The following DYNC2H1 variants were observed in gnomAD, a reference collection of about 807,000 sequenced individuals.
DYNC2H1 encodes cytoplasmic dynein 2 heavy chain 1.
DYNC2H1 carries 410 observed loss-of-function variants against 570.0 expected under a neutral mutation model. The observed-to-expected ratio is 0.72, with a 90% CI of 0.66 to 0.78. DYNC2H1 has a LOEUF of 0.78. Among genes scored for constraint, DYNC2H1 ranks in the 30% least tolerant of loss-of-function variants. The pLI is 0.00. For synonymous variants in DYNC2H1, 1,688 were observed against 1,677.6 expected (o/e 1.01, Z -0.15); for missense variants, 4,865 against 5,046.4 (o/e 0.96, Z 1.09).
chr11:103,354,807 CTTT>C (rs10718561), intron 82 of DYNC2H1, among the ~76,000 whole-genome samples: 4 of 141,148 alleles, frequency 2.8e-5, no homozygotes, highest in Admixed American at 7.0e-5. Context: ...CTTGTAAGAT[CTTT>C]TTTTTTTTTT....
At chr11:103,344,495 T>C (rs373910209) in intron 82 of DYNC2H1, among the ~76,000 whole-genome samples, 12 of 152,314 alleles carry the variant, frequency 7.9e-5, no homozygotes, top group African/African-American at 2.6e-4. Flanking sequence ...ACACTTCCCT[T>C]GAGCTTCTGC....
At chr11:103,453,979 T>A (rs574322027) in intron 85 of DYNC2H1, among the ~76,000 whole-genome samples, 49 of 152,214 alleles carry the variant, frequency 3.2e-4, no homozygotes, top group African/African-American at 1.1e-3. Context: ...TATGCTTCGC[T>A]AAGAAGATCT....
chr11:103,426,712 T>A (rs1487978035), intron 84 of DYNC2H1, among the ~76,000 whole-genome samples: 1 of 152,168 alleles, frequency 6.6e-6, no homozygotes, highest in Non-Finnish European at 1.5e-5. Flanking sequence ...AGCTGGCTAA[T>A]TTAGTATCAA....
chr11:103,468,624 T>C lies in DYNC2H1; in HGVS notation c.12684T>C (p.Asp4228=). 2 of 1,613,706 alleles carry C rather than the reference T, an allele frequency of 1.2e-6. No individual in the cohort carries two copies. Among genetic ancestry groups the C allele is most frequent in the Non-Finnish European group, 8.5e-7 (1 of 1,179,700 alleles). Residue 4228 remains aspartate (D), a synonymous_variant, in exon 88 of 89, where the codon GAT becomes GAC. Coordinates refer to ENST00000375735, the MANE Select transcript of DYNC2H1 (RefSeq NM_001377.3). ...SGLLLEGCSF[D]GNQLSENQLD... The stretch of plus-strand genomic sequence containing the variant: ...TGTTACTAGAAGGATGTAGTTTTGA[T>C]GGAAATCAACTTTCTGAAAATCAGC...
rs575063005 is a variant in DYNC2H1 at position 103,152,313 on chromosome 11, A to G, written c.3096+28A>G. On this transcript the variant is annotated intron_variant, in intron 21 of 88. Coordinates refer to ENST00000375735, the MANE Select transcript of DYNC2H1 (RefSeq NM_001377.3). ...TAGAATCTTTTAATTATTTATTAAA[A>G]TGGGAACTTTTTTCTTACTTAAGAT... is the stretch of plus-strand genomic sequence containing the variant. 91 of 1,552,146 alleles carry G rather than the reference A, an allele frequency of 5.9e-5. 1 individual carries two copies. In the South Asian group the frequency reaches 1.1e-3, roughly 18 times the overall value.
At chr11:103,255,844 AT>A (rs1565436528) in intron 67 of DYNC2H1, among the ~76,000 whole-genome samples, 1 of 152,000 alleles carries the variant, frequency 6.6e-6, no homozygotes, top group Admixed American at 6.5e-5. Context: ...AGTAGTTTTT[AT>A]TTTTTATTAA....
chr11:103,470,420 C>T (rs1232926356), intron 88 of DYNC2H1, among the ~76,000 whole-genome samples: 4 of 111,000 alleles, frequency 3.6e-5, no homozygotes, highest in Non-Finnish European at 7.9e-5. Flanking sequence ...ACTTTTTACT[C>T]TTTTTCTTTT....
Position 103,151,707 on chromosome 11 carries a change from TTC to T in DYNC2H1, c.2947-425_2947-424del, listed in dbSNP as rs1860551996. Among the ~76,000 whole-genome samples the T allele has an allele frequency of 6.6e-6, 1 of 152,176 alleles. No individual in the cohort carries two copies. Among genetic ancestry groups the T allele is most frequent in the Admixed American group, 6.5e-5 (1 of 15,268 alleles). On this transcript the variant is annotated intron_variant, in intron 20 of 88. Transcript: ENST00000375735. The surrounding 1 kb of genome is among the most constrained non-coding windows in gnomAD (Gnocchi z 4.6). Reference sequence around the variant, plus strand: ...TAAGTACCTTTTTTCATGACTTTCCTTCTCTATTAAGTCGGATAATTTAGTTA... The same window carrying T: ...TAAGTACCTTTTTTCATGACTTTCCTTCTATTAAGTCGGATAATTTAGTTA...
intron 82 of DYNC2H1, among the ~76,000 whole-genome samples, chr11:103,342,088 C>T (rs1939468655): frequency 6.6e-6 from 1 of 152,062 alleles, no homozygotes; most frequent in Admixed American, 6.6e-5. Flanking sequence ...CTAAAGTGAT[C>T]CGTGATCATG....
Position 103,165,962 on chromosome 11 carries a change from G to C in DYNC2H1, c.4676G>C (p.Ser1559Thr), listed in dbSNP as rs1861287760. The C allele has an allele frequency of 2.0e-6, 3 of 1,523,172 alleles. No individual in the cohort carries two copies. Among genetic ancestry groups the C allele is most frequent in the Non-Finnish European group, 2.6e-6 (3 of 1,134,210 alleles). 94.4% of individuals were successfully genotyped at this position (1,523,172 alleles called of 1,614,324 possible). ...EDVENAIKDH[S>T]LHQIETQLVN... The stretch of plus-strand genomic sequence containing the variant: ...GTAGAAAATGCTATTAAAGATCATA[G>C]TCTTCATCAGATTGAAACACAACTG... Residue 1559 changes from serine (S) to threonine (T), a missense_variant, in exon 31 of 89, where the codon AGT becomes ACT. Physicochemically the swap from Ser to Thr is moderately conservative, Grantham distance 58. Transcript: ENST00000375735.
At position 103,203,017 on chromosome 11, in the gene DYNC2H1, A is replaced by T. The variant is rs1418868499; in HGVS notation, c.8198-646A>T. On this transcript the variant is annotated intron_variant, in intron 50 of 88. Transcript: ENST00000375735. The surrounding 1 kb of genome is among the most constrained non-coding windows in gnomAD (Gnocchi z 4.7). ...ATTTCTAGTACAAGTTCATCTTTTC[A>T]TTCATTCATTTATGTAAAACATATT... is the stretch of plus-strand genomic sequence containing the variant. 6.6e-6 allele frequency among the ~76,000 whole-genome samples: 1 copy of T among 152,144 alleles called. No homozygotes were observed. Among genetic ancestry groups the T allele is most frequent in the Non-Finnish European group, 1.5e-5 (1 of 68,012 alleles).
chr11:103,182,958 T>C (rs1385103286), intron 40 of DYNC2H1, among the ~76,000 whole-genome samples: 1 of 151,888 alleles, frequency 6.6e-6, no homozygotes, highest in Non-Finnish European at 1.5e-5. Flanking sequence ...TGGGTTTTCC[T>C]GGAGGCCTAG....
Position 103,253,459 on chromosome 11 carries a change from A to G in DYNC2H1, c.10206+11A>G, listed in dbSNP as rs371667157. On this transcript the variant is annotated intron_variant, in intron 66 of 88. Transcript: ENST00000375735. ...GGATTACGAGGGCAGGTATACATAG[A>G]TAATAATAATTTACCTTGGAATCTT... 1.3e-6 allele frequency: 2 copies of G among 1,583,472 alleles called. No homozygotes were observed. Among genetic ancestry groups the G allele is most frequent in the Non-Finnish European group, 1.7e-6 (2 of 1,162,288 alleles).
intron 83 of DYNC2H1, among the ~76,000 whole-genome samples, chr11:103,399,369 T>C (rs1942539930): frequency 1.3e-5 from 2 of 149,072 alleles, no homozygotes; most frequent in African/African-American, 5.0e-5. Context: ...TTGGCCAGAC[T>C]GGTCTCAAAC....
intron 52 of DYNC2H1, among the ~76,000 whole-genome samples, chr11:103,208,670 T>C (rs1863031389): frequency 6.6e-6 from 1 of 152,134 alleles, no homozygotes; most frequent in Non-Finnish European, 1.5e-5. Context: ...AATTGAAAGT[T>C]AGTGTGAAGG....
chr11:103,443,682 A>T (rs1180694864), intron 85 of DYNC2H1, among the ~76,000 whole-genome samples: 1 of 151,620 alleles, frequency 6.6e-6, no homozygotes, highest in East Asian at 1.9e-4. Context: ...ACCTCCATAG[A>T]TTCAAAACCT....
intron 83 of DYNC2H1, among the ~76,000 whole-genome samples, chr11:103,398,213 T>G (rs1403756943): frequency 6.6e-6 from 1 of 152,210 alleles, no homozygotes; most frequent in Non-Finnish European, 1.5e-5. Context: ...ATTTTATTAC[T>G]TAGTTGATTT....
At position 103,143,310 on chromosome 11, in the gene DYNC2H1, G is replaced by A; in HGVS notation, c.2617G>A (p.Glu873Lys). ...IGQVDMEALV[E>K]KHLFTVHDWE... The stretch of plus-strand genomic sequence containing the variant: ...GCAAGTTGATATGGAAGCTCTGGTG[G>A]AAAAGCATCTTTTTACTGTACATGA... Residue 873 changes from glutamate to lysine, a missense_variant, in exon 18 of 89, where the codon GAA (glutamate) becomes AAA (lysine). Physicochemically the swap from Glu to Lys is moderately conservative, Grantham distance 56. Coordinates refer to ENST00000375735, the MANE Select transcript of DYNC2H1 (RefSeq NM_001377.3). The A allele has an allele frequency of 1.2e-6, 2 of 1,613,452 alleles. No homozygotes were observed. The highest frequency in any genetic ancestry group is 1.7e-6 in the Non-Finnish European group (2 of 1,179,652).
intron 73 of DYNC2H1, among the ~76,000 whole-genome samples, chr11:103,284,318 A>G (rs1379314791): frequency 2.0e-5 from 3 of 152,046 alleles, no homozygotes; most frequent in South Asian, 4.1e-4. Flanking sequence ...CTTTTCGCCT[A>G]TTGCTTCCTC....
Sources: allele counts gnomAD v4.1 joint callset (sites outside exome capture counted in the v4.1 genomes callset), GRCh38; gene constraint gnomAD v4.1.1; non-coding constraint Gnocchi (gnomAD v3.1); transcripts MANE v1.5; gene names NCBI Gene and HGNC (gene_info 2026-07-23, HGNC 2026-07-21).